The following SLC1A2 variants were observed in gnomAD, a reference collection of about 807,000 sequenced individuals.
SLC1A2 encodes excitatory amino acid transporter 2.
In SLC1A2, 15 loss-of-function variants were observed where a neutral mutation model predicts 48.8. The ratio of observed to expected loss-of-function variants is 0.31; its 90% confidence interval spans 0.21 to 0.47. The LOEUF (loss-of-function observed/expected upper bound fraction) is 0.47, where lower values mean the gene tolerates loss of function less well. SLC1A2 is among the 20% of genes least tolerant of loss of function. SLC1A2 has a pLI of 0.99. For synonymous variants in SLC1A2, 279 were observed against 272.6 expected, an observed-to-expected ratio of 1.02 and a Z score of -0.23; for missense variants, 502 against 730.5, an observed-to-expected ratio of 0.69 and a Z score of 3.61.
chr11:35,265,385 C>T (rs1950463806), intron 10 of SLC1A2, 142 bp downstream of exon 10: 9 of 607,902 alleles, frequency 1.5e-5, no homozygotes, highest in Non-Finnish European at 2.6e-5. Context: ...ATCTGGGACT[C>T]ACAGAAGCTT....
At chr11:35,373,303 C>T (rs1383526013) in intron 1 of SLC1A2, among the ~76,000 whole-genome samples, 2 of 152,184 alleles carry the variant, frequency 1.3e-5, no homozygotes, top group African/African-American at 4.8e-5. Context: ...CACCTTCTTT[C>T]AGACCTCAAG....
intron 3 of SLC1A2, among the ~76,000 whole-genome samples, chr11:35,314,734 C>A (rs572153634): frequency 9.3e-5 from 14 of 151,324 alleles, no homozygotes; most frequent in Admixed American, 2.0e-4. Context: ...AAATTTAAAA[C>A]CACTAGAGGT....
At chr11:35,393,905 T>A (rs2135248915) in intron 1 of SLC1A2, among the ~76,000 whole-genome samples, 1 of 152,326 alleles carries the variant, frequency 6.6e-6, no homozygotes, top group East Asian at 1.9e-4. Context: ...TTTCCTCTTC[T>A]TCCCTGTGGC....
At chr11:35,367,951 C>G (rs1287560577) in intron 1 of SLC1A2, among the ~76,000 whole-genome samples, 3 of 152,138 alleles carry the variant, frequency 2.0e-5, no homozygotes, top group Non-Finnish European at 4.4e-5. Context: ...TGAATTCTAG[C>G]TAGATATTAT....
In SLC1A2 at chr11:35,390,397, A is replaced by G. The variant is rs1441834028; in HGVS notation, c.17+28553T>C. Among the ~76,000 whole-genome samples, 4 of 152,220 alleles carry G rather than the reference A, an allele frequency of 2.6e-5. No individual in the cohort carries two copies. In the East Asian group the frequency reaches 5.8e-4, roughly 22 times the overall value. On this transcript the variant is annotated intron_variant, in intron 1 of 10. Coordinates refer to ENST00000278379, the MANE Select transcript of SLC1A2 (RefSeq NM_004171.4). The stretch of plus-strand genomic sequence containing the variant: ...TATTCTCCTCCATTTCATTTTTAAA[A>G]TTTGATTTTTTTTAAGTAAGTTGCT...
Position 35,414,116 on chromosome 11 carries a change from G to T in SLC1A2, c.17+4834C>A, listed in dbSNP as rs181613661. ...GAGTCCATATTCTAAAGCAACTGTC[G>T]AGATTGCCAAAAACACCAAACAGCA... On this transcript the variant is annotated intron_variant, in intron 1 of 10. Coordinates refer to ENST00000278379, the MANE Select transcript of SLC1A2 (RefSeq NM_004171.4). Among the ~76,000 whole-genome samples, 109 of 152,168 alleles carry T rather than the reference G, an allele frequency of 7.2e-4. 1 individual carries two copies. Among genetic ancestry groups the T allele is most frequent in the South Asian group, 2.1e-3 (10 of 4,816 alleles).
chr11:35,274,527 C>T (rs1444884079), intron 9 of SLC1A2, among the ~76,000 whole-genome samples: 3 of 152,112 alleles, frequency 2.0e-5, no homozygotes, highest in Non-Finnish European at 2.9e-5. Context: ...TTTTGTTTTC[C>T]ACCAGCCATG....
At chr11:35,304,673 T>C (rs2134819960) in intron 5 of SLC1A2, among the ~76,000 whole-genome samples, 1 of 152,282 alleles carries the variant, frequency 6.6e-6, no homozygotes, top group East Asian at 1.9e-4. Context: ...TGCTTCTCAG[T>C]GACTGTGCAA....
Position 35,324,091 on chromosome 11 carries a change from T to C in SLC1A2, c.18-6575A>G, listed in dbSNP as rs552672167. 3.3e-5 allele frequency among the ~76,000 whole-genome samples: 5 copies of C among 152,292 alleles called. No individual in the cohort carries two copies. In the South Asian group the frequency reaches 1.0e-3, roughly 32 times the overall value. ...CACTCAGAAAAGATAAGATGAGAAA[T>C]CGAAGGAGAAGAGCCTTTTTTTCCA... On this transcript the variant is annotated intron_variant, in intron 1 of 10. Transcript: ENST00000278379.
intron 9 of SLC1A2, among the ~76,000 whole-genome samples, chr11:35,276,775 T>C (rs1850455427): frequency 6.6e-6 from 1 of 152,242 alleles, no homozygotes; most frequent in Non-Finnish European, 1.5e-5. Flanking sequence ...TTTGTCCTCA[T>C]TGAGCCTATT....
rs1851211015 is a variant in SLC1A2, at chr11:35,297,513, A to T, written c.857+4006T>A. 3.3e-5 allele frequency among the ~76,000 whole-genome samples: 5 copies of T among 152,202 alleles called. No individual in the cohort carries two copies. In the South Asian group the frequency reaches 1.0e-3, roughly 32 times the overall value. On this transcript the variant is annotated intron_variant, in intron 6 of 10. Transcript: ENST00000278379. Reference sequence around the variant, plus strand: ...CGTGTCATTGAATAGTTTTTTATTTAACAGTGTGGATGGATGGTGGTTTAT... The same window carrying T: ...CGTGTCATTGAATAGTTTTTTATTTTACAGTGTGGATGGATGGTGGTTTAT...
chr11:35,311,323 C>T (rs1851682438), intron 4 of SLC1A2, among the ~76,000 whole-genome samples: 1 of 152,140 alleles, frequency 6.6e-6, no homozygotes, highest in African/African-American at 2.4e-5. Context: ...CCACACCCGG[C>T]TAATTTTTGC....
intron 4 of SLC1A2, among the ~76,000 whole-genome samples, chr11:35,309,787 C>T (rs534611550): frequency 1.7e-4 from 26 of 152,366 alleles, no homozygotes; most frequent in East Asian, 1.3e-3. Flanking sequence ...AAGTCCTCTT[C>T]AGTGCCTTCC....
chr11:35,389,829 T>C (rs967128360), intron 1 of SLC1A2, among the ~76,000 whole-genome samples: 3 of 151,968 alleles, frequency 2.0e-5, no homozygotes, highest in Non-Finnish European at 4.4e-5. Flanking sequence ...CCCAGGCTGG[T>C]CTCAAACTCC....
chr11:35,306,592 C>T (rs1851516218), intron 4 of SLC1A2, among the ~76,000 whole-genome samples: 1 of 152,154 alleles, frequency 6.6e-6, no homozygotes, highest in South Asian at 2.1e-4. Flanking sequence ...TTTTTAAGTA[C>T]AGTCATCCAA....
At chr11:35,357,989 A>T (rs1309724045) in intron 1 of SLC1A2, among the ~76,000 whole-genome samples, 3 of 152,128 alleles carry the variant, frequency 2.0e-5, no homozygotes, top group Non-Finnish European at 2.9e-5. Context: ...TACCAAAAAT[A>T]CAAAAATTAG....
Position 35,320,170 on chromosome 11 carries a change from T to C in SLC1A2, c.18-2654A>G, listed in dbSNP as rs571881491. Among the ~76,000 whole-genome samples, 40 of 152,310 alleles carry C rather than the reference T, an allele frequency of 2.6e-4. No individual in the cohort carries two copies. The South Asian group carries it at 7.5e-3, about 28-fold the overall frequency. On this transcript the variant is annotated intron_variant, in intron 1 of 10. Transcript: ENST00000278379. ...GCCTATATACCTTTAGAATAAGATATAAGTTTTAAAAAATGTGTTCACACA... is the reference window on the plus strand; with the variant it reads ...GCCTATATACCTTTAGAATAAGATACAAGTTTTAAAAAATGTGTTCACACA...
At chr11:35,354,687 TC>T (rs879893493) in intron 1 of SLC1A2, among the ~76,000 whole-genome samples, 13 of 152,170 alleles carry the variant, frequency 8.5e-5, no homozygotes, top group Non-Finnish European at 1.6e-4. Context: ...AGAAACCCTA[TC>T]CCAACAGATG....
intron 9 of SLC1A2, among the ~76,000 whole-genome samples, chr11:35,266,419 T>C (rs879543393): frequency 6.6e-5 from 10 of 152,222 alleles, no homozygotes; most frequent in Admixed American, 3.9e-4. Flanking sequence ...AAATACTTTA[T>C]CTTGCTCTAT....
Sources: allele counts gnomAD v4.1 joint callset (sites outside exome capture counted in the v4.1 genomes callset), GRCh38; gene constraint gnomAD v4.1.1; transcripts MANE v1.5; gene names NCBI Gene and HGNC (gene_info 2026-07-23, HGNC 2026-07-21).